ATP8A1: variants seen among roughly 807,000 people sequenced by gnomAD.
ATP8A1 encodes the protein phospholipid-transporting ATPase IA.
ATP8A1 carries 90 observed loss-of-function variants against 177.7 expected under a neutral mutation model. The observed-to-expected ratio is 0.51, with a 90% CI of 0.43 to 0.60. The LOEUF (loss-of-function observed/expected upper bound fraction) is 0.60. Among genes scored for constraint, ATP8A1 ranks in the 20% least tolerant of loss-of-function variants. The pLI is 0.00. For missense variants in ATP8A1, 1,072 were observed against 1,392.8 expected (o/e 0.77, Z 3.67); for synonymous variants, 493 against 485.9 (o/e 1.01, Z -0.19).
intron 5 of ATP8A1, among the ~76,000 whole-genome samples, chr4:42,602,393 C>T (rs1047051330): frequency 3.3e-5 from 5 of 152,164 alleles, no homozygotes; most frequent in Non-Finnish European, 7.3e-5. Context: ...AAACAGCCTC[C>T]GGTAGAAAAG....
intron 24 of ATP8A1, among the ~76,000 whole-genome samples, chr4:42,488,855 T>C (rs529970883): frequency 2.0e-4 from 30 of 152,188 alleles, no homozygotes; most frequent in South Asian, 4.1e-4. Flanking sequence ...CCTGAGTTTC[T>C]TGACAGGAAA....
intron 15 of ATP8A1, among the ~76,000 whole-genome samples, chr4:42,566,901 C>A (rs529262256): frequency 5.2e-4 from 79 of 152,314 alleles, no homozygotes; most frequent in African/African-American, 1.7e-3. Context: ...TAAGTGAGAG[C>A]ACCAGAACTA....
intron 20 of ATP8A1, 129 bp downstream of exon 20, chr4:42,543,788 A>G (rs1296450330): frequency 9.2e-6 from 6 of 651,300 alleles, no homozygotes; most frequent in Non-Finnish European, 1.0e-5. Context: ...TATTACTATA[A>G]AACACCAACA....
At chr4:42,582,385 C>G (rs1329915893) in intron 9 of ATP8A1, among the ~76,000 whole-genome samples, 2 of 152,038 alleles carry the variant, frequency 1.3e-5, no homozygotes, top group Non-Finnish European at 2.9e-5. Flanking sequence ...CTATTTATAA[C>G]TTTTCCTAAA....
At chr4:42,589,291 A>G (rs1186671240) in intron 7 of ATP8A1, among the ~76,000 whole-genome samples, 2 of 152,248 alleles carry the variant, frequency 1.3e-5, no homozygotes, top group Admixed American at 6.5e-5. Context: ...TAATTTACTA[A>G]TATCACATAA....
rs1206352606 is a variant in ATP8A1 at position 42,410,999 on chromosome 4, C to T, written c.*1917G>A. 2.0e-5 allele frequency: 3 copies of T among 152,116 alleles called. No homozygotes were observed. The highest frequency in any genetic ancestry group is 7.2e-5 in the African/African-American group (3 of 41,430). The allele number at this position is 152,116 out of a possible 1,614,324, so 9.4% of individuals were successfully genotyped here. On this transcript the variant is annotated 3_prime_UTR_variant, in exon 37 of 37. Transcript: ENST00000381668. ...TCACCACTGGGAAGCCCAGGAAAAG[C>T]TGCTCTGAATATTCATTCACTGGAC...
At chr4:42,642,657 C>T (rs984332933) in intron 1 of ATP8A1, among the ~76,000 whole-genome samples, 1 of 152,066 alleles carries the variant, frequency 6.6e-6, no homozygotes, top group Non-Finnish European at 1.5e-5. Context: ...AAAAACGATG[C>T]GAGGGTGGAT....
chr4:42,578,251 C>A lies in ATP8A1; in HGVS notation c.1128+9G>T. On this transcript the variant is annotated intron_variant, in intron 12 of 36. Coordinates refer to ENST00000381668, the MANE Select transcript of ATP8A1 (RefSeq NM_006095.2). The stretch of plus-strand genomic sequence containing the variant: ...TTGTAGGGTGATAACAATCATAATT[C>A]ATATTTACCCAATTTATGAAGTATG... 6.3e-7 allele frequency: 1 copy of A among 1,581,914 alleles called. No individual in the cohort carries two copies. The highest frequency in any genetic ancestry group is 1.2e-5 in the South Asian group (1 of 84,708).
chr4:42,624,299 T>A (rs1398844614), intron 4 of ATP8A1, among the ~76,000 whole-genome samples: 1 of 152,104 alleles, frequency 6.6e-6, no homozygotes, highest in South Asian at 2.1e-4. Flanking sequence ...TTACAGTAAA[T>A]TAATTTCTTT....
At chr4:42,429,449 A>G (rs1229430893) in intron 33 of ATP8A1, among the ~76,000 whole-genome samples, 1 of 151,980 alleles carries the variant, frequency 6.6e-6, no homozygotes, top group Non-Finnish European at 1.5e-5. Context: ...AAGAGAAGGA[A>G]GTACCAGCAT....
At chr4:42,434,804 G>A (rs1025496459) in intron 33 of ATP8A1, among the ~76,000 whole-genome samples, 1 of 152,298 alleles carries the variant, frequency 6.6e-6, no homozygotes, top group East Asian at 1.9e-4. Context: ...TTGGTAAAAT[G>A]GCTAGAGCTC....
At chr4:42,468,591 T>C (rs551789270) in intron 25 of ATP8A1, among the ~76,000 whole-genome samples, 9 of 151,962 alleles carry the variant, frequency 5.9e-5, no homozygotes, top group Admixed American at 1.3e-4. Flanking sequence ...GGACAAACAT[T>C]GTATGTTCTT....
At chr4:42,489,617 GC>G (rs1252001109) in intron 24 of ATP8A1, among the ~76,000 whole-genome samples, 2 of 152,156 alleles carry the variant, frequency 1.3e-5, no homozygotes, top group Non-Finnish European at 2.9e-5. Context: ...TCTTTTGTAA[GC>G]TCTGTTGTTA....
At chr4:42,508,941 G>A (rs991011892) in intron 22 of ATP8A1, among the ~76,000 whole-genome samples, 1 of 152,216 alleles carries the variant, frequency 6.6e-6, no homozygotes, top group African/African-American at 2.4e-5. Flanking sequence ...GCTTAGGCAT[G>A]AACAATAAAG....
chr4:42,456,154 T>G (rs1718462515), intron 27 of ATP8A1, among the ~76,000 whole-genome samples: 1 of 152,188 alleles, frequency 6.6e-6, no homozygotes, highest in Non-Finnish European at 1.5e-5. Context: ...TTATGTAATA[T>G]GCATTTTCTT....
chr4:42,455,283 G>A lies in ATP8A1; in HGVS notation c.2817+14C>T, dbSNP rs1308060522. The A allele has an allele frequency of 6.2e-7, 1 of 1,613,044 alleles. No individual in the cohort carries two copies. Among genetic ancestry groups the A allele is most frequent in the Non-Finnish European group, 8.5e-7 (1 of 1,179,410 alleles). ...ACCCACCAAACATGTCCCAGCCAGG[G>A]CACTGTGTCCTACCTTGGTGTTGAA... On this transcript the variant is annotated intron_variant, in intron 29 of 36. Coordinates refer to ENST00000381668, the MANE Select transcript of ATP8A1 (RefSeq NM_006095.2).
intron 22 of ATP8A1, among the ~76,000 whole-genome samples, chr4:42,507,780 TAAAAAAA>T: frequency 1.1e-4 from 2 of 17,700 alleles, no homozygotes; most frequent in African/African-American, 1.9e-4. Flanking sequence ...ACAGGCATTC[TAAAAAAA>T]AAAAAAAAAA....
chr4:42,428,056 A>G (rs1290720335), intron 33 of ATP8A1, among the ~76,000 whole-genome samples: 1 of 152,242 alleles, frequency 6.6e-6, no homozygotes, highest in Non-Finnish European at 1.5e-5. Context: ...CAAGCTGTGA[A>G]GATGCTGTTC....
At chr4:42,536,066 A>G (rs945751928) in intron 20 of ATP8A1, among the ~76,000 whole-genome samples, 1 of 152,354 alleles carries the variant, frequency 6.6e-6, no homozygotes, top group African/African-American at 2.4e-5. Context: ...GGGGAACAAG[A>G]GCAAACCAAC....
Sources: gnomAD v4.1 joint callset for allele counts (sites outside exome capture counted in the v4.1 genomes callset) on GRCh38, gnomAD v4.1.1 for gene constraint, MANE v1.5 for transcripts, NCBI Gene and HGNC (gene_info 2026-07-23, HGNC 2026-07-21) for gene names.